Variants in ARHGEF28 observed in about 807,000 individuals in gnomAD.
ARHGEF28 encodes the protein 190 kDa guanine nucleotide exchange factor.
In ARHGEF28, 152 loss-of-function variants were observed where a neutral mutation model predicts 206.6. The ratio of observed to expected loss-of-function variants is 0.74; its 90% CI spans 0.64 to 0.84. ARHGEF28 has a LOEUF of 0.84. ARHGEF28 is among the 40% of genes least tolerant of loss of function. The pLI, the probability that ARHGEF28 is intolerant of heterozygous loss-of-function variation, is 0.00. For missense variants in ARHGEF28, 2,028 were observed against 2,073.2 expected, an observed-to-expected ratio of 0.98 and a Z score of 0.42; for synonymous variants, 763 against 776.4, an observed-to-expected ratio of 0.98 and a Z score of 0.29.
Position 73,690,962 on chromosome 5 carries a change from G to A in ARHGEF28, c.33+6078G>A, listed in dbSNP as rs143513502. Among the ~76,000 whole-genome samples, 407 of 151,570 alleles carry A rather than the reference G, an allele frequency of 2.7e-3. 2 individuals carry two copies. Among genetic ancestry groups the A allele is most frequent in the African/African-American group, 8.8e-3 (365 of 41,316 alleles). On this transcript the variant is annotated intron_variant, in intron 2 of 35. Coordinates refer to ENST00000513042, the MANE Select transcript of ARHGEF28 (RefSeq NM_001177693.2). ...CCTTTTTTTTTTGAGACAAATTCTC[G>A]CCGTGTCATCCAGGCTGGGGAGTGT...
At chr5:73,837,673 G>A (rs1434523645) in intron 10 of ARHGEF28, among the ~76,000 whole-genome samples, 2 of 151,194 alleles carry the variant, frequency 1.3e-5, no homozygotes, top group East Asian at 3.9e-4. Context: ...TAAATAAAAG[G>A]TTAGGATATA....
chr5:73,773,925 C>T lies in ARHGEF28; in HGVS notation c.546C>T (p.Phe182=), dbSNP rs373039768. ...GCCTGGCTAAACTTTCCCAGTTCTT[C>T]TTGTGTCTCCCGGGGGGAGTCCAGG... is the stretch of plus-strand genomic sequence containing the variant. ...RWGLAKLSQF[F]LCLPGGVQAL... is the part of the protein sequence containing the mutation. The change falls in exon 5 of 36, where the codon TTC becomes TTT. Residue 182 remains phenylalanine, a synonymous_variant. Coordinates refer to ENST00000513042, the MANE Select transcript of ARHGEF28 (RefSeq NM_001177693.2). The T allele has an allele frequency of 6.2e-6, 10 of 1,608,498 alleles. No homozygotes were observed. The African/African-American group carries it at 1.3e-4, about 21-fold the overall frequency.
At chr5:73,894,700 G>A (rs533851060) in intron 29 of ARHGEF28, 125 bp downstream of exon 29, 21 of 1,159,368 alleles carry the variant, frequency 1.8e-5, no homozygotes, top group African/African-American at 1.2e-4. Context: ...GTCCTTACTC[G>A]GCTGGAACTT....
intron 21 of ARHGEF28, among the ~76,000 whole-genome samples, chr5:73,872,699 C>T (rs1306074885): frequency 6.6e-6 from 1 of 152,126 alleles, no homozygotes; most frequent in East Asian, 1.9e-4. Context: ...AGACCTAGTT[C>T]CTAGCTGAAG....
rs75054684 is a variant in ARHGEF28 at position 73,682,381 on chromosome 5, C to A, written c.-11-2460C>A. ...ATATTCACTTTCTTGCCAAGTGTATCCTCTGGGGATTACTGTACTAAATAT... is the reference window on the plus strand; with the variant it reads ...ATATTCACTTTCTTGCCAAGTGTATACTCTGGGGATTACTGTACTAAATAT... On this transcript the variant is annotated intron_variant, in intron 1 of 35. Coordinates refer to ENST00000513042, the MANE Select transcript of ARHGEF28 (RefSeq NM_001177693.2). Among the ~76,000 whole-genome samples the A allele has an allele frequency of 1.7e-4, 26 of 151,860 alleles. No individual in the cohort carries two copies. The East Asian group carries it at 5.0e-3, about 29-fold the overall frequency.
intron 31 of ARHGEF28, chr5:73,903,348 A>T (rs965475501): frequency 1.3e-5 from 2 of 152,128 alleles, no homozygotes; most frequent in East Asian, 1.9e-4. Flanking sequence ...ATCGAGTTCA[A>T]CTGGGAGTCA....
intron 11 of ARHGEF28, among the ~76,000 whole-genome samples, chr5:73,842,701 AG>A (rs1176924883): frequency 3.9e-5 from 6 of 152,176 alleles, no homozygotes; most frequent in Non-Finnish European, 8.8e-5. Context: ...TCAAGTGGCC[AG>A]GTATGGTGGC....
chr5:73,767,119 T>C (rs1234814838), intron 4 of ARHGEF28, among the ~76,000 whole-genome samples: 1 of 152,212 alleles, frequency 6.6e-6, no homozygotes, highest in East Asian at 1.9e-4. Flanking sequence ...CCTTTTGCCT[T>C]CTGCTGTGAT....
chr5:73,714,909 C>T (rs931648946), intron 2 of ARHGEF28, among the ~76,000 whole-genome samples: 2 of 151,886 alleles, frequency 1.3e-5, no homozygotes, highest in African/African-American at 4.8e-5. Context: ...TTCTCCCTAG[C>T]GTGTGAGTGT....
At chr5:73,868,054 T>A (rs1209378811) in intron 19 of ARHGEF28, 34 bp downstream of exon 19, 1 of 1,613,270 alleles carries the variant, frequency 6.2e-7, no homozygotes, top group African/African-American at 1.3e-5. Context: ...TATTAATGGC[T>A]CAGAGAGCTT....
chr5:73,830,574 A>G (rs1024208147), intron 9 of ARHGEF28, among the ~76,000 whole-genome samples: 3 of 151,990 alleles, frequency 2.0e-5, no homozygotes, highest in African/African-American at 7.2e-5. Flanking sequence ...AAAAAAAAAA[A>G]AAAGAAAATG....
chr5:73,868,883 G>A lies in ARHGEF28; in HGVS notation c.2425+656G>A, dbSNP rs182558993. On this transcript the variant is annotated intron_variant, in intron 20 of 35. Transcript: ENST00000513042. ...GCTGGTCTTGAACTCCTGACCTCAGGTGATCCAACTGCCTCGGCCTCCCAA... is the reference window on the plus strand; with the variant it reads ...GCTGGTCTTGAACTCCTGACCTCAGATGATCCAACTGCCTCGGCCTCCCAA... Among the ~76,000 whole-genome samples, 6 of 152,324 alleles carry A rather than the reference G, an allele frequency of 3.9e-5. No individual in the cohort carries two copies. In the East Asian group the frequency reaches 1.2e-3, roughly 29 times the overall value.
intron 2 of ARHGEF28, among the ~76,000 whole-genome samples, chr5:73,730,019 T>C (rs113893811): frequency 2.0e-5 from 3 of 152,312 alleles, no homozygotes; most frequent in African/African-American, 4.8e-5. Context: ...TATTGCCAAA[T>C]AGTGGTTTCC....
At chr5:73,742,354 CTGTT>C (rs1236639523) in intron 2 of ARHGEF28, among the ~76,000 whole-genome samples, 9 of 151,912 alleles carry the variant, frequency 5.9e-5, no homozygotes, top group Non-Finnish European at 1.2e-4. Flanking sequence ...TATTTGCTCT[CTGTT>C]TGGCATGCAT....
At chr5:73,702,415 T>A (rs112644805) in intron 2 of ARHGEF28, among the ~76,000 whole-genome samples, 5 of 152,330 alleles carry the variant, frequency 3.3e-5, no homozygotes, top group African/African-American at 9.6e-5. Context: ...ATCCTCTGAG[T>A]GATAACTCCT....
intron 26 of ARHGEF28, among the ~76,000 whole-genome samples, chr5:73,888,717 G>A (rs536217126): frequency 6.6e-6 from 1 of 152,280 alleles, no homozygotes; most frequent in South Asian, 2.1e-4. Context: ...TTCAGATCCT[G>A]TAATGCTCAA....
At chr5:73,799,456 T>C (rs141299590) in intron 9 of ARHGEF28, among the ~76,000 whole-genome samples, 20 of 152,300 alleles carry the variant, frequency 1.3e-4, no homozygotes, top group African/African-American at 4.1e-4. Context: ...AGTTCCTCCT[T>C]GAGGACTGTG....
intron 13 of ARHGEF28, among the ~76,000 whole-genome samples, chr5:73,849,440 C>A (rs1758566538): frequency 6.6e-6 from 1 of 151,972 alleles, no homozygotes; most frequent in Admixed American, 6.5e-5. Flanking sequence ...TTACTTTTGT[C>A]TCATATATAC....
At chr5:73,718,583 G>C (rs113008303) in intron 2 of ARHGEF28, among the ~76,000 whole-genome samples, 2 of 151,952 alleles carry the variant, frequency 1.3e-5, no homozygotes, top group Admixed American at 6.6e-5. Context: ...TAGACGGTAC[G>C]TTGGTCTCTT....
Sources: gnomAD v4.1 joint callset for allele counts (sites outside exome capture counted in the v4.1 genomes callset) on GRCh38, gnomAD v4.1.1 for gene constraint, MANE v1.5 for transcripts, NCBI Gene and HGNC (gene_info 2026-07-23, HGNC 2026-07-21) for gene names.